CNTN5: variants seen among roughly 807,000 people sequenced by gnomAD.
CNTN5 encodes contactin 5.
Under a neutral mutation model 129.1 loss-of-function variants are expected in CNTN5, and 77 were observed. That is an observed-to-expected ratio of 0.60 (90% CI 0.50 to 0.72). The LOEUF is 0.72. Ranked by LOEUF, CNTN5 falls within the 30% of genes least tolerant of loss-of-function variation. The pLI is 0.00. For missense variants in CNTN5, 1,478 were observed against 1,328.8 expected (o/e 1.11, Z -1.75); for synonymous variants, 509 against 465.6 (o/e 1.09, Z -1.20).
chr11:99,929,965 T>C (rs1050226346), intron 7 of CNTN5, among the ~76,000 whole-genome samples: 1 of 152,210 alleles, frequency 6.6e-6, no homozygotes, highest in Non-Finnish European at 1.5e-5. Flanking sequence ...AGTTGGAAAC[T>C]CAAAAGATTG....
chr11:99,427,665 C>T (rs1005113108), intron 2 of CNTN5, among the ~76,000 whole-genome samples: 40 of 143,906 alleles, frequency 2.8e-4, no homozygotes, highest in African/African-American at 9.6e-4. Flanking sequence ...ACTTGGGAGG[C>T]TGAGGAAGGA....
At chr11:99,236,258 A>G (rs1861254031) in intron 1 of CNTN5, among the ~76,000 whole-genome samples, 1 of 152,114 alleles carries the variant, frequency 6.6e-6, no homozygotes, top group South Asian at 2.1e-4. Flanking sequence ...TCTTTCCACT[A>G]CAGCTTTTCT....
chr11:99,404,648 A>G (rs1263182327), intron 2 of CNTN5, among the ~76,000 whole-genome samples: 1 of 152,138 alleles, frequency 6.6e-6, no homozygotes, highest in Admixed American at 6.5e-5. Context: ...TAAAGACTGT[A>G]TGCCTTAACT....
At chr11:99,848,241 T>G (rs1294771527) in intron 6 of CNTN5, among the ~76,000 whole-genome samples, 1 of 151,954 alleles carries the variant, frequency 6.6e-6, no homozygotes, top group Non-Finnish European at 1.5e-5. Flanking sequence ...AAAATTCGGT[T>G]GGCAACTTTC....
intron 11 of CNTN5, 57 bp downstream of exon 11, chr11:100,070,617 G>A (rs553791747): frequency 3.9e-6 from 6 of 1,537,530 alleles, no homozygotes; most frequent in Non-Finnish European, 5.4e-6. Context: ...TTTCACACAG[G>A]ACAAACTAGG....
chr11:99,827,349 A>G (rs1251011100), intron 4 of CNTN5, among the ~76,000 whole-genome samples: 2 of 152,200 alleles, frequency 1.3e-5, no homozygotes, highest in African/African-American at 2.4e-5. Context: ...TTGACCTCCC[A>G]AAGTGCTGGG....
chr11:100,179,395 A>G (rs1948069609), intron 13 of CNTN5, among the ~76,000 whole-genome samples: 1 of 152,124 alleles, frequency 6.6e-6, no homozygotes, highest in Non-Finnish European at 1.5e-5. Context: ...AATAAATGTG[A>G]AACTTCTCTA....
intron 3 of CNTN5, among the ~76,000 whole-genome samples, chr11:99,778,652 A>G (rs895897915): frequency 2.6e-5 from 4 of 151,810 alleles, no homozygotes; most frequent in Admixed American, 6.6e-5. Flanking sequence ...TAAAGCCCTA[A>G]TTGAGAAAGC....
chr11:99,727,886 T>C (rs577024992), intron 3 of CNTN5, among the ~76,000 whole-genome samples: 1 of 147,242 alleles, frequency 6.8e-6, no homozygotes, highest in African/African-American at 2.5e-5. Flanking sequence ...ATCTGCACAA[T>C]TATCCATCAC....
chr11:99,937,385 C>T (rs1483310568), intron 7 of CNTN5, among the ~76,000 whole-genome samples: 2 of 152,268 alleles, frequency 1.3e-5, no homozygotes, highest in East Asian at 3.9e-4. Flanking sequence ...AAATGAGTGC[C>T]GTTAGACATG....
At chr11:99,947,578 T>C (rs903694712) in intron 7 of CNTN5, among the ~76,000 whole-genome samples, 5 of 152,096 alleles carry the variant, frequency 3.3e-5, no homozygotes, top group African/African-American at 1.2e-4. Flanking sequence ...TAAGAATAAG[T>C]TGAGGGGCAG....
At chr11:99,791,617 A>G (rs1453931256) in intron 3 of CNTN5, among the ~76,000 whole-genome samples, 1 of 152,166 alleles carries the variant, frequency 6.6e-6, no homozygotes, top group African/African-American at 2.4e-5. Context: ...TAGGTTTTAT[A>G]AGAATTTTTA....
intron 2 of CNTN5, among the ~76,000 whole-genome samples, chr11:99,437,164 A>T (rs1943631634): frequency 6.6e-6 from 1 of 152,202 alleles, no homozygotes; most frequent in South Asian, 2.1e-4. Flanking sequence ...AGGCCCAGAG[A>T]CCTAGTACTT....
intron 18 of CNTN5, among the ~76,000 whole-genome samples, chr11:100,293,468 G>A (rs1041579789): frequency 1.3e-5 from 2 of 151,704 alleles, no homozygotes; most frequent in African/African-American, 4.8e-5. Context: ...TCAAGATTGC[G>A]TGTGTATAGA....
chr11:100,181,487 G>A (rs1270765750), intron 13 of CNTN5, among the ~76,000 whole-genome samples: 2 of 151,966 alleles, frequency 1.3e-5, no homozygotes, highest in African/African-American at 4.8e-5. Context: ...GGTTAGAAAT[G>A]TCCAATATTT....
intron 2 of CNTN5, among the ~76,000 whole-genome samples, chr11:99,540,409 CA>C: frequency 1.3e-5 from 2 of 152,236 alleles, no homozygotes; most frequent in Non-Finnish European, 1.5e-5. Context: ...TGGGTGTCTT[CA>C]AGACAAATGT....
intron 13 of CNTN5, among the ~76,000 whole-genome samples, chr11:100,125,030 C>G (rs1946139185): frequency 6.6e-6 from 1 of 152,028 alleles, no homozygotes; most frequent in African/African-American, 2.4e-5. Context: ...GCATTTCTAA[C>G]AGGTGATTGC....
In CNTN5 at chr11:100,161,872, CA is replaced by C. The variant is rs1555025978; in HGVS notation, c.1581-29250del. Among the ~76,000 whole-genome samples the C allele has an allele frequency of 4.4e-3, 558 of 127,524 alleles. 2 individuals carry two copies. Among genetic ancestry groups the C allele is most frequent in the African/African-American group, 0.016 (522 of 33,346 alleles). 83.7% of individuals were successfully genotyped at this position (127,524 alleles called of 152,430 possible). ...ACACACACACACACACACACACACA[CA>C]AAACAAAAAACAAAAAACAAAAAAC... On this transcript the variant is annotated intron_variant, in intron 13 of 24. Coordinates refer to ENST00000524871, the MANE Select transcript of CNTN5 (RefSeq NM_014361.4).
intron 2 of CNTN5, among the ~76,000 whole-genome samples, chr11:99,413,618 CA>C (rs11352985): frequency 0.55 from 80,459 of 145,482 alleles, 21,834 homozygotes; most frequent in African/African-American, 0.67. Context: ...AACTCCATCT[CA>C]AAAAACAAAA....
Sources: allele counts gnomAD v4.1 joint callset (sites outside exome capture counted in the v4.1 genomes callset), GRCh38; gene constraint gnomAD v4.1.1; transcripts MANE v1.5; gene names NCBI Gene and HGNC (gene_info 2026-07-23, HGNC 2026-07-21).